The following FSTL5 variants were observed in gnomAD, a reference collection of about 807,000 sequenced individuals.
The protein encoded by FSTL5 is follistatin-related protein 5.
Under a neutral mutation model 89.1 loss-of-function variants are expected in FSTL5, and 62 were observed. The ratio of observed to expected loss-of-function variants is 0.70; its 90% CI spans 0.57 to 0.86. The LOEUF is 0.86. Ranked by LOEUF, FSTL5 falls within the 40% of genes least tolerant of loss-of-function variation. The pLI is 0.00. For missense variants in FSTL5, 1,057 were observed against 1,001.6 expected, an observed-to-expected ratio of 1.06 and a Z score of -0.75; for synonymous variants, 383 against 346.2, an observed-to-expected ratio of 1.11 and a Z score of -1.18.
At chr4:162,135,938 T>C (rs1732504424) in intron 1 of FSTL5, among the ~76,000 whole-genome samples, 1 of 152,094 alleles carries the variant, frequency 6.6e-6, no homozygotes, top group Admixed American at 6.6e-5. Context: ...GTTTCTGTTT[T>C]AGATCTTCAT....
At chr4:161,903,699 A>AT (rs1245877663) in intron 4 of FSTL5, among the ~76,000 whole-genome samples, 3 of 151,986 alleles carry the variant, frequency 2.0e-5, no homozygotes, top group Non-Finnish European at 2.9e-5. Context: ...CCCATGGAGC[A>AT]TTTTTTGGTA....
At chr4:161,787,866 G>A (rs1382037869) in intron 4 of FSTL5, among the ~76,000 whole-genome samples, 3 of 152,126 alleles carry the variant, frequency 2.0e-5, no homozygotes, top group African/African-American at 7.2e-5. Flanking sequence ...AAGATAACTT[G>A]TACTATGAAT....
Position 161,669,123 on chromosome 4 carries a change from A to AAAAAAT in FSTL5, c.728-12630_728-12629insATTTTT, listed in dbSNP as rs1553956609. Among the ~76,000 whole-genome samples, 246 of 144,086 alleles carry AAAAAAT rather than the reference A, an allele frequency of 1.7e-3. 1 individual carries two copies. The East Asian group carries it at 0.022, about 13-fold the overall frequency. 94.5% of individuals were successfully genotyped at this position (144,086 alleles called of 152,430 possible). On this transcript the variant is annotated intron_variant, in intron 6 of 15. Coordinates refer to ENST00000306100, the MANE Select transcript of FSTL5 (RefSeq NM_020116.5). ...TGAGACTCTGTCTCAAAAAAAAAAA[A>AAAAAAT]AAAATAAAATAAAATAAAAGAAAAA... is the stretch of plus-strand genomic sequence containing the variant.
intron 2 of FSTL5, among the ~76,000 whole-genome samples, chr4:162,100,753 A>G (rs908816117): frequency 1.3e-5 from 2 of 152,138 alleles, no homozygotes; most frequent in African/African-American, 4.8e-5. Context: ...AGGGCTGTGC[A>G]TGTGTGGGGG....
At chr4:162,096,492 G>C (rs1243007162) in intron 2 of FSTL5, among the ~76,000 whole-genome samples, 1 of 151,716 alleles carries the variant, frequency 6.6e-6, no homozygotes, top group East Asian at 1.9e-4. Flanking sequence ...TCAACCTTCT[G>C]TTTGTCTTGC....
intron 7 of FSTL5, among the ~76,000 whole-genome samples, chr4:161,655,211 C>T (rs1736473950): frequency 6.6e-6 from 1 of 152,002 alleles, no homozygotes; most frequent in Non-Finnish European, 1.5e-5. Context: ...GATATTCTGA[C>T]AGTCAGATCT....
chr4:161,986,288 G>A (rs566293214), intron 3 of FSTL5, among the ~76,000 whole-genome samples: 3 of 152,138 alleles, frequency 2.0e-5, no homozygotes, highest in Admixed American at 6.5e-5. Flanking sequence ...GGTGGCTCAC[G>A]CCTGTAATCC....
intron 2 of FSTL5, among the ~76,000 whole-genome samples, chr4:162,065,916 A>T (rs1000048434): frequency 6.6e-6 from 1 of 151,996 alleles, no homozygotes; most frequent in African/African-American, 2.4e-5. Flanking sequence ...TCCAACTTTT[A>T]AAAAAAGTAG....
intron 2 of FSTL5, among the ~76,000 whole-genome samples, chr4:162,045,218 C>G (rs1174522380): frequency 1.3e-5 from 2 of 151,982 alleles, no homozygotes; most frequent in Non-Finnish European, 2.9e-5. Context: ...CACTTAGAGG[C>G]CATTGTATGG....
chr4:161,973,043 T>G (rs1241561758), intron 3 of FSTL5, among the ~76,000 whole-genome samples: 2 of 152,222 alleles, frequency 1.3e-5, no homozygotes, highest in African/African-American at 2.4e-5. Flanking sequence ...CCTAGAAAAC[T>G]TACATGCATG....
chr4:161,660,122 A>C (rs1402985991), intron 6 of FSTL5, among the ~76,000 whole-genome samples: 2 of 152,130 alleles, frequency 1.3e-5, no homozygotes. Flanking sequence ...TTTAACGCAA[A>C]ATTTTAATGA....
intron 2 of FSTL5, among the ~76,000 whole-genome samples, chr4:162,082,233 TGA>T (rs144897741): frequency 0.063 from 9,499 of 151,628 alleles, 344 homozygotes; most frequent in Middle Eastern, 0.15. Context: ...GGTTTGATTT[TGA>T]GAGTTTGCAT....
At chr4:162,093,505 A>G (rs548662137) in intron 2 of FSTL5, among the ~76,000 whole-genome samples, 1 of 152,314 alleles carries the variant, frequency 6.6e-6, no homozygotes, top group East Asian at 1.9e-4. Context: ...ATTGGAGCCA[A>G]TCCTGCTGGG....
At chr4:161,809,934 G>A (rs929959348) in intron 4 of FSTL5, among the ~76,000 whole-genome samples, 3 of 152,086 alleles carry the variant, frequency 2.0e-5, no homozygotes, top group Non-Finnish European at 4.4e-5. Flanking sequence ...CAATGTAAAG[G>A]TACTTATACC....
At chr4:161,918,962 T>C (rs1156512098) in intron 4 of FSTL5, among the ~76,000 whole-genome samples, 2 of 152,084 alleles carry the variant, frequency 1.3e-5, no homozygotes, top group African/African-American at 4.8e-5. Flanking sequence ...TATTAAATAT[T>C]ATGTGTTTCC....
chr4:161,524,478 T>C (rs1428183299), intron 10 of FSTL5, among the ~76,000 whole-genome samples: 2 of 152,230 alleles, frequency 1.3e-5, no homozygotes, highest in African/African-American at 4.8e-5. Flanking sequence ...TTACAGAGTT[T>C]GACTCTTTTC....
At chr4:161,988,818 CTT>C (rs1736033771) in intron 3 of FSTL5, among the ~76,000 whole-genome samples, 1 of 152,030 alleles carries the variant, frequency 6.6e-6, no homozygotes, top group Admixed American at 6.6e-5. Flanking sequence ...TACAGCAAGT[CTT>C]TGAATCATTA....
chr4:162,138,909 C>T (rs943063870), intron 1 of FSTL5, among the ~76,000 whole-genome samples: 29 of 151,790 alleles, frequency 1.9e-4, no homozygotes, highest in African/African-American at 6.3e-4. Context: ...AAGCCCTTTA[C>T]GGAAGAAATT....
rs544921703 is a variant in FSTL5 at position 161,425,243 on chromosome 4, A to G, written c.1841+29761T>C. Among the ~76,000 whole-genome samples, 16 of 152,346 alleles carry G rather than the reference A, an allele frequency of 1.1e-4. 1 individual carries two copies. The South Asian group carries it at 3.1e-3, about 30-fold the overall frequency. On this transcript the variant is annotated intron_variant, in intron 15 of 15. Transcript: ENST00000306100. ...TTAAAAGTTTTCAGAGGCTGACACT[A>G]AAGTTAGGGATAAACTGAGAGCTAG...
Sources: gnomAD v4.1 joint callset for allele counts (sites outside exome capture counted in the v4.1 genomes callset) on GRCh38, gnomAD v4.1.1 for gene constraint, MANE v1.5 for transcripts, NCBI Gene and HGNC (gene_info 2026-07-23, HGNC 2026-07-21) for gene names.